The following EFCAB6 variants were observed in gnomAD, a reference collection of about 807,000 sequenced individuals.
EFCAB6 encodes the protein EF-hand calcium-binding domain-containing protein 6.
EFCAB6 carries 156 observed loss-of-function variants against 169.8 expected under a neutral mutation model. The ratio of observed to expected loss-of-function variants is 0.92; its 90% CI spans 0.81 to 1.05. EFCAB6 has a LOEUF of 1.05. Among genes scored for constraint, EFCAB6 ranks in the 50% least tolerant of loss-of-function variants. The probability of loss-of-function intolerance (pLI) is 0.00; values close to 1 mark genes in which losing one functional copy is unlikely to be tolerated. For synonymous variants in EFCAB6, 698 were observed against 676.4 expected (o/e 1.03, Z -0.50); for missense variants, 1,800 against 1,829.1 (o/e 0.98, Z 0.29).
chr22:43,683,831 G>A lies in EFCAB6; in HGVS notation c.1167C>T (p.His389=). The part of the protein sequence containing the change: ...RNSINSRNES[H]KENIITKLFR... Reference sequence around the variant, plus strand: ...ATAACTTTGTGATGATGTTTTCCTTGTGAGATTCATTTCTAGAGTTGATGC... The same window carrying A: ...ATAACTTTGTGATGATGTTTTCCTTATGAGATTCATTTCTAGAGTTGATGC... Residue 389 remains histidine, a synonymous_variant, in exon 12 of 32, where the codon CAC becomes CAT. Transcript: ENST00000262726. The A allele has an allele frequency of 6.2e-7, 1 of 1,612,662 alleles. No homozygotes were observed. The highest frequency in any genetic ancestry group is 8.5e-7 in the Non-Finnish European group (1 of 1,178,698).
chr22:43,546,405 A>ACCC (rs1424911243), intron 27 of EFCAB6, among the ~76,000 whole-genome samples: 1 of 152,174 alleles, frequency 6.6e-6, no homozygotes, highest in Non-Finnish European at 1.5e-5. Context: ...CTACACACAC[A>ACCC]GTTTCAGATG....
At chr22:43,810,959 T>C (rs1490972541) in intron 1 of EFCAB6, among the ~76,000 whole-genome samples, 1 of 152,122 alleles carries the variant, frequency 6.6e-6, no homozygotes, top group African/African-American at 2.4e-5. Flanking sequence ...ATAAAAGACA[T>C]GAACTGTAGT....
At chr22:43,799,329 C>CCACACACACACACACA (rs112231545) in intron 2 of EFCAB6, among the ~76,000 whole-genome samples, 36 of 146,650 alleles carry the variant, frequency 2.5e-4, no homozygotes, top group African/African-American at 6.3e-4. Context: ...GAATCTGTCT[C>CCACACACACACACACA]CACACACACA....
intron 26 of EFCAB6, among the ~76,000 whole-genome samples, chr22:43,555,593 C>G (rs1215668311): frequency 6.6e-6 from 1 of 152,200 alleles, no homozygotes; most frequent in Non-Finnish European, 1.5e-5. Context: ...TAGACTACAG[C>G]TAAATGTTCC....
At chr22:43,727,132 G>A (rs921136988) in intron 8 of EFCAB6, among the ~76,000 whole-genome samples, 7 of 152,192 alleles carry the variant, frequency 4.6e-5, no homozygotes, top group Non-Finnish European at 1.0e-4. Flanking sequence ...AGATAAAAAA[G>A]TTTAAAGCAG....
At chr22:43,685,037 C>T (rs2058139585) in intron 11 of EFCAB6, among the ~76,000 whole-genome samples, 1 of 152,210 alleles carries the variant, frequency 6.6e-6, no homozygotes, top group Non-Finnish European at 1.5e-5. Flanking sequence ...AAAGCACAAT[C>T]TCGAAAGATT....
At chr22:43,577,529 C>T (rs916056751) in intron 25 of EFCAB6, among the ~76,000 whole-genome samples, 1 of 152,140 alleles carries the variant, frequency 6.6e-6, no homozygotes, top group Non-Finnish European at 1.5e-5. Flanking sequence ...CTGCTGCCCA[C>T]CATAAGTCCT....
At chr22:43,714,495 T>C (rs2059264743) in intron 9 of EFCAB6, among the ~76,000 whole-genome samples, 1 of 150,768 alleles carries the variant, frequency 6.6e-6, no homozygotes, top group East Asian at 2.0e-4. Context: ...CATGCCGAGA[T>C]ATAGCTTTGT....
chr22:43,614,192 A>AAAAAAAAAAAAAAAAAAC (rs1569249065), intron 21 of EFCAB6, among the ~76,000 whole-genome samples: 2 of 150,776 alleles, frequency 1.3e-5, no homozygotes, highest in African/African-American at 2.4e-5. Flanking sequence ...AAAAAAAAAA[A>AAAAAAAAAAAAAAAAAAC]AGAACAAACT....
At chr22:43,719,225 T>C (rs998959716) in intron 8 of EFCAB6, among the ~76,000 whole-genome samples, 19 of 152,198 alleles carry the variant, frequency 1.2e-4, no homozygotes, top group African/African-American at 3.6e-4. Flanking sequence ...ACCACAATTA[T>C]ACCAGCTTTC....
chr22:43,799,016 C>G (rs1454787524), intron 2 of EFCAB6, among the ~76,000 whole-genome samples: 1 of 152,126 alleles, frequency 6.6e-6, no homozygotes, highest in Non-Finnish European at 1.5e-5. Context: ...AATTATGGTA[C>G]TCCCTTGATA....
chr22:43,809,195 T>C (rs999280516), intron 1 of EFCAB6, 64 bp from the exon 2 acceptor site: 5 of 152,176 alleles, frequency 3.3e-5, no homozygotes, highest in African/African-American at 1.2e-4. Context: ...AAAGGCCTTA[T>C]TTCCCTGGAA....
chr22:43,531,050 C>T, intron 30 of EFCAB6, 86 bp from the exon 31 acceptor site: 4 of 1,565,144 alleles, frequency 2.6e-6, no homozygotes, highest in Middle Eastern at 2.2e-4. Context: ...CCCCGCCTCG[C>T]CCAGCCCTGC....
At chr22:43,711,074 G>T (rs2147370088) in intron 10 of EFCAB6, among the ~76,000 whole-genome samples, 1 of 152,284 alleles carries the variant, frequency 6.6e-6, no homozygotes, top group Middle Eastern at 3.4e-3. Context: ...TAGAAAACAT[G>T]AGGCAAGCAG....
chr22:43,781,200 C>T (rs1342838415), intron 3 of EFCAB6, among the ~76,000 whole-genome samples: 1 of 152,174 alleles, frequency 6.6e-6, no homozygotes, highest in Admixed American at 6.5e-5. Flanking sequence ...AATTCTGTTG[C>T]TTTTAAAACT....
chr22:43,665,688 GA>G (rs2057214740), intron 17 of EFCAB6, among the ~76,000 whole-genome samples: 1 of 152,200 alleles, frequency 6.6e-6, no homozygotes. Context: ...TCACTCCATT[GA>G]AACTGCTCTA....
intron 17 of EFCAB6, among the ~76,000 whole-genome samples, chr22:43,656,197 C>A (rs935044885): frequency 1.3e-5 from 2 of 151,972 alleles, no homozygotes; most frequent in African/African-American, 4.8e-5. Flanking sequence ...TTGATACCAC[C>A]CTGACCAACA....
At chr22:43,610,313 TCA>T (rs1316839010) in intron 21 of EFCAB6, among the ~76,000 whole-genome samples, 5 of 152,192 alleles carry the variant, frequency 3.3e-5, no homozygotes, top group African/African-American at 1.2e-4. Context: ...ATGACCATCG[TCA>T]CAGTTTCTGT....
chr22:43,675,315 TATTATACTATAATATATAATATAA>T (rs2057681784), intron 13 of EFCAB6, among the ~76,000 whole-genome samples: 2 of 38,436 alleles, frequency 5.2e-5, no homozygotes, highest in Non-Finnish European at 1.2e-4. Context: ...TATTATAGTA[TATTATACTATAATATATAATATAA>T]TATACTATAT....
Sources: gnomAD v4.1 joint callset for allele counts (sites outside exome capture counted in the v4.1 genomes callset) on GRCh38, gnomAD v4.1.1 for gene constraint, MANE v1.5 for transcripts, NCBI Gene and HGNC (gene_info 2026-07-23, HGNC 2026-07-21) for gene names.